The following RNF220 variants were observed in gnomAD, a reference collection of about 807,000 sequenced individuals.
RNF220 encodes the protein E3 ubiquitin-protein ligase RNF220.
Under a neutral mutation model 67.1 loss-of-function variants are expected in RNF220, and 7 were observed. The ratio of observed to expected loss-of-function variants is 0.10; its 90% CI spans 0.06 to 0.20. The LOEUF is 0.20. Among genes scored for constraint, RNF220 ranks in the 10% least tolerant of loss-of-function variants. The pLI is 1.00. For missense variants in RNF220, 565 were observed against 740.3 expected (o/e 0.76, Z 2.75); for synonymous variants, 270 against 283.2 (o/e 0.95, Z 0.47).
At position 44,413,658 on chromosome 1, in the gene RNF220, G is replaced by A. The variant is rs546729575; in HGVS notation, c.625+936G>A. On this transcript the variant is annotated intron_variant, in intron 2 of 14. Coordinates refer to ENST00000361799, the MANE Select transcript of RNF220 (RefSeq NM_018150.4). The stretch of plus-strand genomic sequence containing the variant: ...TGGTGAGAATTTATGAACTGAGGGT[G>A]TTTTTTCCACGCAACCCTTTGTTCT... Among the ~76,000 whole-genome samples, 18 of 152,270 alleles carry A rather than the reference G, an allele frequency of 1.2e-4. No individual in the cohort carries two copies. In the South Asian group the frequency reaches 3.5e-3, roughly 30 times the overall value.
intron 3 of RNF220, among the ~76,000 whole-genome samples, chr1:44,614,578 A>G (rs1282063257): frequency 6.6e-6 from 1 of 152,240 alleles, no homozygotes; most frequent in African/African-American, 2.4e-5. Context: ...AGCCACTGCC[A>G]AAGGCCCAGC....
Position 44,412,821 on chromosome 1 carries a change from G to GT in RNF220, c.625+99_625+100insT, listed in dbSNP as rs771676791. On this transcript the variant is annotated intron_variant, in intron 2 of 14. Transcript: ENST00000361799. The surrounding 1 kb of genome is among the most constrained non-coding windows in gnomAD (Gnocchi z 5.3). ...GCGTTTTGCATGCTCCTAGTAATAG[G>GT]AAGGGCCAACTACTTCCCTTTCACT... The GT allele has an allele frequency of 1.4e-6, 2 of 1,383,872 alleles. No individual in the cohort carries two copies. The allele number at this position is 1,383,872 out of a possible 1,614,324, so 85.7% of individuals were successfully genotyped here.
At chr1:44,469,319 C>T (rs1375819696) in intron 2 of RNF220, among the ~76,000 whole-genome samples, 1 of 152,152 alleles carries the variant, frequency 6.6e-6, no homozygotes, top group Non-Finnish European at 1.5e-5. Flanking sequence ...CTAATTCCTT[C>T]CAATCCGTAG....
chr1:44,517,581 G>T (rs1369874659), intron 2 of RNF220, among the ~76,000 whole-genome samples: 1 of 152,066 alleles, frequency 6.6e-6, no homozygotes, highest in Non-Finnish European at 1.5e-5. Flanking sequence ...TGCCTGTTTA[G>T]TTGTTTCATG....
At chr1:44,418,754 T>C (rs1303873112) in intron 2 of RNF220, among the ~76,000 whole-genome samples, 1 of 152,208 alleles carries the variant, frequency 6.6e-6, no homozygotes, top group African/African-American at 2.4e-5. Context: ...ATTATATTTT[T>C]ATATTGGTTT....
At chr1:44,511,408 A>G (rs1459933351) in intron 2 of RNF220, among the ~76,000 whole-genome samples, 1 of 152,246 alleles carries the variant, frequency 6.6e-6, no homozygotes, top group African/African-American at 2.4e-5. Context: ...GGTGGGGGAC[A>G]GACCAGTGAG....
intron 1 of RNF220, among the ~76,000 whole-genome samples, chr1:44,408,380 C>A (rs887266949): frequency 1.3e-5 from 2 of 152,222 alleles, no homozygotes; most frequent in African/African-American, 4.8e-5. Flanking sequence ...AGCCCGGGAA[C>A]TGTGTTAGCC....
chr1:44,503,902 T>A (rs1572702609), intron 2 of RNF220, among the ~76,000 whole-genome samples: 1 of 151,670 alleles, frequency 6.6e-6, no homozygotes, highest in African/African-American at 2.4e-5. Flanking sequence ...CAGGCTGGGG[T>A]GCAGTGGCAC....
chr1:44,500,942 G>T (rs554554526), intron 2 of RNF220, among the ~76,000 whole-genome samples: 3 of 152,110 alleles, frequency 2.0e-5, no homozygotes, highest in Non-Finnish European at 4.4e-5. Context: ...CGGGCCCTTG[G>T]CTCTTCTGTC....
intron 2 of RNF220, among the ~76,000 whole-genome samples, chr1:44,562,654 G>A (rs577500409): frequency 2.6e-5 from 4 of 152,146 alleles, no homozygotes; most frequent in Non-Finnish European, 5.9e-5. Flanking sequence ...GGGTTGGGGG[G>A]TTGGTGCCTG....
chr1:44,455,644 A>G (rs996965653), intron 2 of RNF220, among the ~76,000 whole-genome samples: 4 of 152,240 alleles, frequency 2.6e-5, no homozygotes, highest in Admixed American at 1.3e-4. Flanking sequence ...TGGAGACAGT[A>G]AAAACATTGA....
At position 44,641,912 on chromosome 1, in the gene RNF220, C is replaced by A. The variant is rs118023756; in HGVS notation, c.1127-2786C>A. Among the ~76,000 whole-genome samples, 557 of 152,310 alleles carry A rather than the reference C, an allele frequency of 3.7e-3. 5 individuals are homozygous for A. The highest frequency in any genetic ancestry group is 0.012 in the African/African-American group (493 of 41,572). ...CTGTCCATCCTGCCTCACTGGCCAG[C>A]GGAACAGAAAGCTGCTGCCCGGCTG... On this transcript the variant is annotated intron_variant, in intron 8 of 14. Coordinates refer to ENST00000361799, the MANE Select transcript of RNF220 (RefSeq NM_018150.4).
At chr1:44,435,028 TA>T (rs33931761) in intron 2 of RNF220, among the ~76,000 whole-genome samples, 226 of 143,828 alleles carry the variant, frequency 1.6e-3, no homozygotes, top group Middle Eastern at 0.014. Flanking sequence ...TCCTGTCTCT[TA>T]AAAAAAAAAA....
intron 2 of RNF220, among the ~76,000 whole-genome samples, chr1:44,442,646 C>G (rs1441444218): frequency 6.6e-6 from 1 of 151,670 alleles, no homozygotes. Flanking sequence ...TCCTGAGTAG[C>G]TGGAGTTACC....
chr1:44,524,328 G>T (rs1455482951), intron 2 of RNF220, among the ~76,000 whole-genome samples: 1 of 152,058 alleles, frequency 6.6e-6, no homozygotes, highest in Non-Finnish European at 1.5e-5. Flanking sequence ...CAGGGTGAGA[G>T]CCCACCCTCA....
intron 1 of RNF220, among the ~76,000 whole-genome samples, chr1:44,408,357 A>G (rs923425626): frequency 3.9e-5 from 6 of 152,286 alleles, no homozygotes; most frequent in African/African-American, 1.4e-4. Context: ...CCTGAAACAC[A>G]GGCGTCGGCC....
At chr1:44,560,732 T>G (rs1350916411) in intron 2 of RNF220, among the ~76,000 whole-genome samples, 1 of 152,058 alleles carries the variant, frequency 6.6e-6, no homozygotes, top group East Asian at 1.9e-4. Context: ...CAGATAATTT[T>G]TGTATTTTTA....
chr1:44,451,230 C>T (rs1183539517), intron 2 of RNF220, among the ~76,000 whole-genome samples: 1 of 151,900 alleles, frequency 6.6e-6, no homozygotes, highest in East Asian at 1.9e-4. Flanking sequence ...TTTACATTCC[C>T]ATCCAAAAGA....
intron 2 of RNF220, among the ~76,000 whole-genome samples, chr1:44,564,647 G>A (rs1663841759): frequency 6.6e-6 from 1 of 151,794 alleles, no homozygotes; most frequent in African/African-American, 2.4e-5. Flanking sequence ...CAGCTACTTG[G>A]GAGGCTGAGA....
Sources: gnomAD v4.1 joint callset for allele counts (sites outside exome capture counted in the v4.1 genomes callset) on GRCh38, gnomAD v4.1.1 for gene constraint, Gnocchi (gnomAD v3.1) non-coding constraint, MANE v1.5 for transcripts, NCBI Gene and HGNC (gene_info 2026-07-23, HGNC 2026-07-21) for gene names.